IQSEC2: variants seen among roughly 807,000 people sequenced by gnomAD.
IQSEC2 encodes IQ motif and Sec7 domain ArfGEF 2.
In IQSEC2, 6 loss-of-function variants were observed where a neutral mutation model predicts 74.6. The observed-to-expected ratio is 0.08, with a 90% CI of 0.04 to 0.16. The LOEUF is 0.16. Ranked by LOEUF, IQSEC2 falls within the 10% of genes least tolerant of loss-of-function variation. IQSEC2 has a pLI of 1.00. For missense variants in IQSEC2, 734 were observed against 1,306.2 expected, an observed-to-expected ratio of 0.56 and a Z score of 6.75; for synonymous variants, 494 against 544.5, an observed-to-expected ratio of 0.91 and a Z score of 1.29.
chrX:53,295,207 C>T (rs1341668879), intron 1 of IQSEC2, among the ~76,000 whole-genome samples: 1 of 112,154 alleles, frequency 8.9e-6, no homozygotes, highest in Non-Finnish European at 1.9e-5. Context: ...GCAGTGATGG[C>T]CAATAAATAG....
chrX:53,275,072 C>T, intron 2 of IQSEC2, among the ~76,000 whole-genome samples: 1 of 111,771 alleles, frequency 8.9e-6, no homozygotes, highest in East Asian at 2.8e-4. Context: ...TATGTTATAG[C>T]TTATGGGTTT....
chrX:53,234,487 G>A lies in IQSEC2; in HGVS notation c.4199C>T (p.Ala1400Val). 9.2e-7 allele frequency: 1 copy of A among 1,090,777 alleles called. No individual in the cohort carries two copies. Among genetic ancestry groups the A allele is most frequent in the Admixed American group, 3.6e-5 (1 of 27,546 alleles). 89.9% of individuals were successfully genotyped at this position (1,090,777 alleles called of 1,213,427 possible). A position where few individuals can be genotyped will look rare whatever the true frequency, so the allele number is the denominator to read the frequency against. ...GGATCCAGGGCCCCCAGCCGCGCCT[G>A]CTGCTGGCATCATCTGTGGGTGGTG... is the stretch of plus-strand genomic sequence containing the variant. Reference protein sequence around the residue: ...FSHHPQMMPAAGAAGGPGSRP... With the variant: ...FSHHPQMMPAVGAAGGPGSRP... Residue 1400 changes from alanine (A) to valine (V), a missense_variant, in exon 15 of 15, where the codon GCA (alanine) becomes GTA (valine). Around this residue, in one of 12 missense-constraint regions of IQSEC2, gnomAD observed 249 missense variants for 467.9 expected, o/e 0.53. Coordinates refer to ENST00000642864, the MANE Select transcript of IQSEC2 (RefSeq NM_001111125.3).
chrX:53,304,819 T>C (rs1452348728), intron 1 of IQSEC2, among the ~76,000 whole-genome samples: 1 of 112,050 alleles, frequency 8.9e-6, no homozygotes. Context: ...AAATACTATA[T>C]GTTATATAAT....
chrX:53,288,967 C>A (rs1285416781), intron 2 of IQSEC2, among the ~76,000 whole-genome samples: 2 of 108,799 alleles, frequency 1.8e-5, no homozygotes, highest in East Asian at 6.0e-4. Flanking sequence ...CTACCCCCCA[C>A]CCCCATCACC....
intron 1 of IQSEC2, among the ~76,000 whole-genome samples, chrX:53,296,569 T>TTG (rs1556874346): frequency 9.0e-6 from 1 of 111,236 alleles, no homozygotes; most frequent in Non-Finnish European, 1.9e-5. Context: ...AACTTTTTTT[T>TTG]TGTTTGTTTG....
chrX:53,239,113 A>G, intron 11 of IQSEC2, 82 bp downstream of exon 11: 1 of 777,985 alleles, frequency 1.3e-6, no homozygotes, highest in Non-Finnish European at 2.0e-6. Context: ...GGACTCCGAA[A>G]ACTGGAGCTG....
chrX:53,246,106 C>T (rs1458942611), intron 8 of IQSEC2, among the ~76,000 whole-genome samples: 3 of 111,432 alleles, frequency 2.7e-5, no homozygotes, highest in African/African-American at 3.3e-5. Context: ...ATGGGATCCA[C>T]CTGCCTCAGC....
At chrX:53,304,674 C>T (rs144613309) in intron 1 of IQSEC2, among the ~76,000 whole-genome samples, 1 of 111,681 alleles carries the variant, frequency 9.0e-6, no homozygotes, top group African/African-American at 3.2e-5. Context: ...CCTTGAATAC[C>T]AGGCAGCACA....
At chrX:53,238,485 T>C (rs1364689856) in intron 11 of IQSEC2, among the ~76,000 whole-genome samples, 179 bp from the exon 12 acceptor site, 1 of 110,920 alleles carries the variant, frequency 9.0e-6, no homozygotes, top group East Asian at 2.8e-4. Context: ...GCTCAAGTGA[T>C]CCTTCTGCCT....
intron 3 of IQSEC2, 92 bp downstream of exon 3, chrX:53,255,708 C>T (rs781920114): frequency 9.3e-7 from 1 of 1,075,171 alleles, no homozygotes; most frequent in Admixed American, 2.2e-5. Flanking sequence ...TTATCCCTCC[C>T]TGATACCACC....
intron 2 of IQSEC2, among the ~76,000 whole-genome samples, chrX:53,275,137 AT>A (rs1435846375): frequency 9.0e-6 from 1 of 110,671 alleles, no homozygotes; most frequent in African/African-American, 3.3e-5. Context: ...AATATTCCAG[AT>A]TTTTTTCTGG....
chrX:53,243,048 T>C (rs1348692320), intron 9 of IQSEC2, among the ~76,000 whole-genome samples: 1 of 112,302 alleles, frequency 8.9e-6, no homozygotes, highest in African/African-American at 3.2e-5. Flanking sequence ...TAAAGTGTGT[T>C]CTTACTTTGG....
At chrX:53,318,028 G>C (rs1556879503) in intron 1 of IQSEC2, among the ~76,000 whole-genome samples, 1 of 112,109 alleles carries the variant, frequency 8.9e-6, no homozygotes, top group Admixed American at 9.4e-5. Flanking sequence ...TGCCAGGCCA[G>C]GTCCTGAGGC....
chrX:53,298,651 TA>T (rs1347489460), intron 1 of IQSEC2, among the ~76,000 whole-genome samples: 2 of 111,416 alleles, frequency 1.8e-5, no homozygotes, highest in Non-Finnish European at 3.8e-5. Flanking sequence ...AATGTTCTTG[TA>T]TTATGTCTTT....
intron 2 of IQSEC2, among the ~76,000 whole-genome samples, chrX:53,261,956 G>A (rs1431935090): frequency 3.6e-5 from 4 of 112,014 alleles, no homozygotes; most frequent in African/African-American, 6.5e-5. Context: ...CATGGCAAAC[G>A]TGAGGGAAGA....
At chrX:53,266,741 C>T (rs2074663630) in intron 2 of IQSEC2, 7 of 981,396 alleles carry the variant, frequency 7.1e-6, no homozygotes, top group Non-Finnish European at 9.0e-6. Flanking sequence ...GGACCTAGGG[C>T]TCCAGCTCTC....
chrX:53,239,741 C>A (rs1471944409), intron 10 of IQSEC2, among the ~76,000 whole-genome samples: 4 of 111,194 alleles, frequency 3.6e-5, no homozygotes, highest in African/African-American at 9.8e-5. Flanking sequence ...CCAGAGCCTG[C>A]ACTTAATGGC....
intron 2 of IQSEC2, among the ~76,000 whole-genome samples, chrX:53,275,026 G>A (rs1208762335): frequency 2.7e-5 from 3 of 111,789 alleles, no homozygotes; most frequent in African/African-American, 6.5e-5. Context: ...CCACACAGAA[G>A]TTTTAAATTT....
In IQSEC2 at chrX:53,234,605, G is replaced by A. The variant is rs1321478859; in HGVS notation, c.4081C>T (p.Leu1361=). ...PQFAPHGRHP[L]HQPTSPLPLY... is the part of the protein sequence containing the mutation. ...GGCAGTGGGGATGTGGGCTGGTGCA[G>A]GGGGTGGCGGCCATGTGGAGCAAAC... is the stretch of plus-strand genomic sequence containing the variant. The change falls in exon 15 of 15, where the codon CTG becomes TTG. Residue 1361 remains leucine (L), a synonymous_variant. Transcript: ENST00000642864. The A allele has an allele frequency of 1.8e-6, 2 of 1,128,657 alleles. No homozygotes were observed. Among genetic ancestry groups the A allele is most frequent in the African/African-American group, 3.7e-5 (2 of 54,065 alleles). The allele number at this position is 1,128,657 out of a possible 1,213,427, so 93.0% of individuals were successfully genotyped here.
Sources: gnomAD v4.1 joint callset for allele counts (sites outside exome capture counted in the v4.1 genomes callset) on GRCh38, gnomAD v4.1.1 for gene constraint, gnomAD v4.1.1 regional missense constraint, MANE v1.5 for transcripts, NCBI Gene and HGNC (gene_info 2026-07-23, HGNC 2026-07-21) for gene names.